The following CDH13 variants were observed in gnomAD, a reference collection of about 807,000 sequenced individuals.
The protein encoded by CDH13 is cadherin-13.
CDH13 carries 24 observed loss-of-function variants against 63.8 expected under a neutral mutation model. The ratio of observed to expected loss-of-function variants is 0.38; its 90% confidence interval spans 0.27 to 0.53. The LOEUF (loss-of-function observed/expected upper bound fraction) is 0.53, where lower values mean the gene tolerates loss of function less well. Ranked by LOEUF, CDH13 falls within the 20% of genes least tolerant of loss-of-function variation. The pLI is 0.85. For synonymous variants in CDH13, 503 were observed against 355.3 expected (o/e 1.42, Z -4.67); for missense variants, 1,049 against 903.1 (o/e 1.16, Z -2.07).
At chr16:83,657,219 C>A (rs1912948913) in intron 8 of CDH13, among the ~76,000 whole-genome samples, 1 of 152,160 alleles carries the variant, frequency 6.6e-6, no homozygotes, top group African/African-American at 2.4e-5. Context: ...GGTATTAATC[C>A]CTCAATACAG....
At chr16:82,854,353 A>G (rs1342047605) in intron 1 of CDH13, among the ~76,000 whole-genome samples, 3 of 145,180 alleles carry the variant, frequency 2.1e-5, no homozygotes, top group Non-Finnish European at 4.5e-5. Context: ...GTGAGCCAAG[A>G]TCGTGCCACT....
At chr16:82,799,284 C>A (rs1193697613) in intron 1 of CDH13, among the ~76,000 whole-genome samples, 1 of 152,134 alleles carries the variant, frequency 6.6e-6, no homozygotes, top group Admixed American at 6.6e-5. Flanking sequence ...TCAATTGATA[C>A]TCATGAAAGT....
At chr16:82,946,313 C>T (rs551756350) in intron 2 of CDH13, among the ~76,000 whole-genome samples, 1 of 152,112 alleles carries the variant, frequency 6.6e-6, no homozygotes, top group South Asian at 2.1e-4. Flanking sequence ...ACATCAGCAG[C>T]TTCTCAAAAA....
At chr16:82,921,126 T>C (rs560430475) in intron 2 of CDH13, among the ~76,000 whole-genome samples, 1 of 152,320 alleles carries the variant, frequency 6.6e-6, no homozygotes, top group East Asian at 1.9e-4. Context: ...TTTGATAAGT[T>C]GTATTAGTTT....
chr16:83,315,903 T>G (rs1448200862), intron 5 of CDH13, among the ~76,000 whole-genome samples: 4 of 152,176 alleles, frequency 2.6e-5, no homozygotes, highest in Non-Finnish European at 2.9e-5. Flanking sequence ...GGAGTATATA[T>G]TGAAACACAT....
chr16:82,729,000 C>T (rs4620944), intron 1 of CDH13, among the ~76,000 whole-genome samples: 30,438 of 152,132 alleles, frequency 0.2, 3,708 homozygotes, highest in South Asian at 0.32. Context: ...AGCAACTCCT[C>T]ATCTGTTCAA....
intron 3 of CDH13, among the ~76,000 whole-genome samples, chr16:83,072,657 G>C (rs1165023953): frequency 6.6e-6 from 1 of 152,170 alleles, no homozygotes; most frequent in Non-Finnish European, 1.5e-5. Context: ...TTTGGGAAAT[G>C]AGGGGTTTAA....
At chr16:83,249,285 G>A (rs935165171) in intron 5 of CDH13, among the ~76,000 whole-genome samples, 24 of 152,168 alleles carry the variant, frequency 1.6e-4, no homozygotes, top group African/African-American at 5.1e-4. Flanking sequence ...TCGTGAGACC[G>A]TTGTTAATGT....
chr16:83,022,746 G>T (rs961790385), intron 2 of CDH13, among the ~76,000 whole-genome samples: 1 of 152,150 alleles, frequency 6.6e-6, no homozygotes, highest in African/African-American at 2.4e-5. Context: ...CTCTGAAAGG[G>T]CCCCACAACT....
chr16:82,660,581 A>C (rs1425669167), intron 1 of CDH13, among the ~76,000 whole-genome samples: 1 of 151,918 alleles, frequency 6.6e-6, no homozygotes, highest in Non-Finnish European at 1.5e-5. Context: ...AAGTGAAAGA[A>C]AGATGACAAC....
intron 1 of CDH13, among the ~76,000 whole-genome samples, chr16:82,735,371 C>G (rs912432246): frequency 1.3e-5 from 2 of 152,200 alleles, no homozygotes; most frequent in Non-Finnish European, 2.9e-5. Context: ...TGTCACATGG[C>G]TGGGTCTGTC....
chr16:83,174,010 C>G (rs943492067), intron 4 of CDH13, among the ~76,000 whole-genome samples: 2 of 152,048 alleles, frequency 1.3e-5, no homozygotes, highest in African/African-American at 4.8e-5. Flanking sequence ...CAATCCTCCT[C>G]CAGTTATCAC....
At chr16:83,202,056 C>T (rs1172297957) in intron 4 of CDH13, among the ~76,000 whole-genome samples, 1 of 152,180 alleles carries the variant, frequency 6.6e-6, no homozygotes, top group Non-Finnish European at 1.5e-5. Flanking sequence ...AGGCTGTTTT[C>T]TTTGCCAAGG....
intron 1 of CDH13, among the ~76,000 whole-genome samples, chr16:82,705,740 C>T (rs1323366632): frequency 6.6e-6 from 1 of 152,112 alleles, no homozygotes; most frequent in African/African-American, 2.4e-5. Flanking sequence ...GATTAAGAGG[C>T]TGTGCTTATG....
In CDH13 at chr16:83,707,829, C is replaced by G. The variant is rs576446334; in HGVS notation, c.1538+29368C>G. Among the ~76,000 whole-genome samples, 7 of 46,028 alleles carry G rather than the reference C, an allele frequency of 1.5e-4. 1 individual carries two copies. The highest frequency in any genetic ancestry group is 6.5e-4 in the African/African-American group (7 of 10,714). The allele number at this position is 46,028 out of a possible 152,430, so 30.2% of individuals were successfully genotyped here. ...TGGGACTCATCTTTGGTGAGAGACC[C>G]TAAAGGCAAAAAAAAAAAAAAAAAA... is the stretch of plus-strand genomic sequence containing the variant. On this transcript the variant is annotated intron_variant, in intron 10 of 13. Coordinates refer to ENST00000567109, the MANE Select transcript of CDH13 (RefSeq NM_001257.5).
chr16:82,785,262 C>A (rs1381966008), intron 1 of CDH13, among the ~76,000 whole-genome samples: 1 of 152,298 alleles, frequency 6.6e-6, no homozygotes, highest in Non-Finnish European at 1.5e-5. Flanking sequence ...GGCTGCCCAC[C>A]AGTCCCAGGT....
At chr16:83,128,615 A>G (rs2035913273) in intron 4 of CDH13, among the ~76,000 whole-genome samples, 2 of 152,258 alleles carry the variant, frequency 1.3e-5, no homozygotes, top group African/African-American at 2.4e-5. Context: ...GATTTAGACA[A>G]TAAATTATGT....
chr16:82,910,849 C>G (rs2041807909), intron 2 of CDH13, among the ~76,000 whole-genome samples: 1 of 152,174 alleles, frequency 6.6e-6, no homozygotes, highest in African/African-American at 2.4e-5. Flanking sequence ...GGTGTTCTTT[C>G]TTACCCAGAG....
chr16:83,285,450 A>T (rs1337662345), intron 5 of CDH13, among the ~76,000 whole-genome samples: 1 of 152,062 alleles, frequency 6.6e-6, no homozygotes, highest in Non-Finnish European at 1.5e-5. Context: ...TTAGGGTTTC[A>T]CTGAGTACAG....
Sources: gnomAD v4.1 joint callset for allele counts (sites outside exome capture counted in the v4.1 genomes callset) on GRCh38, gnomAD v4.1.1 for gene constraint, MANE v1.5 for transcripts, NCBI Gene and HGNC (gene_info 2026-07-23, HGNC 2026-07-21) for gene names.